Variants in RFPL1 observed in about 807,000 individuals in gnomAD.
RFPL1 encodes the protein ret finger protein like 1, also known as ret finger protein-like 1.
Under a neutral mutation model 9.6 loss-of-function variants are expected in RFPL1, and 6 were observed. The ratio of observed to expected loss-of-function variants is 0.62; its 90% confidence interval spans 0.34 to 1.23. The LOEUF (loss-of-function observed/expected upper bound fraction) is 1.23. Ranked by LOEUF, RFPL1 falls within the 50% of genes most tolerant of loss-of-function variation. The probability of loss-of-function intolerance (pLI) is 0.03; values close to 1 mark genes in which losing one functional copy is unlikely to be tolerated. For synonymous variants in RFPL1, 145 were observed against 149.4 expected, an observed-to-expected ratio of 0.97 and a Z score of 0.22; for missense variants, 352 against 398.4, an observed-to-expected ratio of 0.88 and a Z score of 0.99.
chr22:29,415,248 G>GTCAAAA, the RFPL1 span, among the ~76,000 whole-genome samples: 9 of 149,640 alleles, frequency 6.0e-5, no homozygotes, highest in Non-Finnish European at 1.3e-4. Context: ...TTCAAACCAA[G>GTCAAAA]TCAAAATCAA....
At chr22:29,437,028 A>G (rs1228950286), upstream of RFPL1, 3 of 152,524 alleles carry the variant, frequency 2.0e-5, no homozygotes, top group Non-Finnish European at 4.4e-5. Context: ...ACGGGTAACA[A>G]TTTTTATTTG....
chr22:29,432,076 C>T, the RFPL1 span, among the ~76,000 whole-genome samples: 8 of 152,194 alleles, frequency 5.3e-5, no homozygotes, highest in Non-Finnish European at 1.2e-4. Flanking sequence ...AGGTGTGATA[C>T]GCTAACTTAC....
the RFPL1 span, among the ~76,000 whole-genome samples, chr22:29,414,630 T>A: frequency 6.6e-6 from 1 of 152,110 alleles, no homozygotes; most frequent in Non-Finnish European, 1.5e-5. Context: ...GAACTATCTA[T>A]CATCCTGTCC....
the RFPL1 span, among the ~76,000 whole-genome samples, chr22:29,428,964 T>C: frequency 1.6e-4 from 25 of 151,582 alleles, no homozygotes; most frequent in Non-Finnish European, 3.7e-4. Flanking sequence ...AAACCCAAAA[T>C]GAGAAGAAAA....
the RFPL1 span, among the ~76,000 whole-genome samples, chr22:29,416,863 C>T: frequency 1.3e-5 from 2 of 152,208 alleles, no homozygotes; most frequent in Non-Finnish European, 2.9e-5. Flanking sequence ...GAACAAGGTC[C>T]ATGCTCATGA....
chr22:29,403,675 T>A, the RFPL1 span, among the ~76,000 whole-genome samples: 2 of 152,190 alleles, frequency 1.3e-5, no homozygotes, highest in Admixed American at 1.3e-4. Flanking sequence ...GAAAAAGAAA[T>A]GCAGACGATC....
In RFPL1 at chr22:29,439,180, A is replaced by G. The variant is rs2062825171; in HGVS notation, c.373+16A>G. 1 of 1,607,826 alleles carries G rather than the reference A, an allele frequency of 6.2e-7. No homozygotes were observed. The highest frequency in any genetic ancestry group is 2.2e-5 in the East Asian group (1 of 44,810). On this transcript the variant is annotated intron_variant, in intron 1 of 1. Transcript: ENST00000354373. The stretch of plus-strand genomic sequence containing the variant: ...AAGTTCCAAGGTGAGGGATCTGTAT[A>G]CACTGCCCCCTTCCTACGACCAGAC...
the RFPL1 span, among the ~76,000 whole-genome samples, chr22:29,396,421 G>T: frequency 6.6e-6 from 1 of 152,188 alleles, no homozygotes; most frequent in Non-Finnish European, 1.5e-5. Context: ...TTGGCACCAT[G>T]CCCTTGGACT....
chr22:29,395,221 T>A, the RFPL1 span, among the ~76,000 whole-genome samples: 10 of 152,230 alleles, frequency 6.6e-5, no homozygotes, highest in Non-Finnish European at 1.2e-4. Flanking sequence ...TGTGCCTTTC[T>A]ATATACATTC....
the RFPL1 span, among the ~76,000 whole-genome samples, chr22:29,405,280 G>A: frequency 3.9e-5 from 6 of 152,286 alleles, no homozygotes; most frequent in South Asian, 2.1e-4. Context: ...ACTGGGGGAC[G>A]CAGCAGCTCC....
chr22:29,417,823 G>A, the RFPL1 span, among the ~76,000 whole-genome samples: 1 of 151,894 alleles, frequency 6.6e-6, no homozygotes, highest in East Asian at 1.9e-4. Flanking sequence ...CATAACAAGA[G>A]AACAGTCTCC....
the RFPL1 span, among the ~76,000 whole-genome samples, chr22:29,424,380 A>G: frequency 6.6e-6 from 1 of 152,172 alleles, no homozygotes; most frequent in Non-Finnish European, 1.5e-5. Flanking sequence ...AGAATCTATC[A>G]TTTACCGAGC....
the RFPL1 span, among the ~76,000 whole-genome samples, chr22:29,415,736 T>G: frequency 3.9e-5 from 6 of 152,328 alleles, no homozygotes; most frequent in Non-Finnish European, 8.8e-5. Context: ...CCTGGCCCTT[T>G]TAAGGGCTTA....
upstream of RFPL1, chr22:29,433,657 A>C (rs1375853945): frequency 6.6e-6 from 1 of 152,240 alleles, no homozygotes; most frequent in Non-Finnish European, 1.5e-5. Context: ...GAATTCTGGC[A>C]CCTAAAATGT....
chr22:29,441,297 A>G (rs12485237), intron 1 of RFPL1: 78,311 of 510,840 alleles, frequency 0.15, 6,809 homozygotes, highest in Non-Finnish European at 0.18. Context: ...GAAAAGTCCA[A>G]TGAAGCAAAC....
chr22:29,410,499 A>AC, the RFPL1 span, among the ~76,000 whole-genome samples: 9 of 58,182 alleles, frequency 1.5e-4, no homozygotes, highest in African/African-American at 6.8e-4. Context: ...ATATATATCT[A>AC]TATATAGAGA....
the RFPL1 span, among the ~76,000 whole-genome samples, chr22:29,406,223 AC>A: frequency 7.1e-6 from 1 of 141,630 alleles, no homozygotes; most frequent in Non-Finnish European, 1.5e-5. Flanking sequence ...GTCACCTTCC[AC>A]CCTCCCCTGC....
At chr22:29,393,896 G>A in the RFPL1 span, among the ~76,000 whole-genome samples, 4 of 151,938 alleles carry the variant, frequency 2.6e-5, no homozygotes, top group East Asian at 1.9e-4. Flanking sequence ...GGCTAGTCTC[G>A]GAACTCCTGA....
chr22:29,414,007 T>C, the RFPL1 span, among the ~76,000 whole-genome samples: 1 of 152,248 alleles, frequency 6.6e-6, no homozygotes, highest in African/African-American at 2.4e-5. Context: ...ATAAACTGTT[T>C]CTTCAATAGT....
Sources: gnomAD v4.1 joint callset for allele counts (sites outside exome capture counted in the v4.1 genomes callset) on GRCh38, gnomAD v4.1.1 for gene constraint, MANE v1.5 for transcripts, NCBI Gene and HGNC (gene_info 2026-07-23, HGNC 2026-07-21) for gene names.